Variants in PCIF1 observed in about 807,000 individuals in gnomAD.
PCIF1 encodes phosphorylated CTD interacting factor 1.
Under a neutral mutation model 86.9 loss-of-function variants are expected in PCIF1, and 12 were observed. The observed-to-expected ratio is 0.14, with a 90% CI of 0.09 to 0.22. The LOEUF (loss-of-function observed/expected upper bound fraction) is 0.22. PCIF1 is among the 10% of genes least tolerant of loss of function. PCIF1 has a pLI of 1.00. For missense variants in PCIF1, 701 were observed against 951.1 expected (o/e 0.74, Z 3.46); for synonymous variants, 397 against 372.0 (o/e 1.07, Z -0.77).
rs1474845416 is a variant in PCIF1 at position 45,947,877 on chromosome 20, C to T, written c.*122C>T. 3.9e-5 allele frequency: 60 copies of T among 1,530,498 alleles called. No individual in the cohort carries two copies. The highest frequency in any genetic ancestry group is 5.0e-5 in the Non-Finnish European group (57 of 1,146,186). 94.8% of individuals were successfully genotyped at this position (1,530,498 alleles called of 1,614,324 possible). A position where few individuals can be genotyped will look rare whatever the true frequency, so the allele number is the denominator to read the frequency against. On this transcript the variant is annotated 3_prime_UTR_variant, in exon 17 of 17. Coordinates refer to ENST00000372409, the MANE Select transcript of PCIF1 (RefSeq NM_022104.4). This position sits in a 1 kb window ranked among gnomAD's most constrained non-coding sequence, Gnocchi z 5.4. ...TATGAAGATTATGGTTCTGCCAGGG[C>T]TCCCCTCCCTGCCTGTCCCCAAGTC...
intron 1 of PCIF1, among the ~76,000 whole-genome samples, chr20:45,936,323 C>G (rs1034528442): frequency 6.7e-6 from 1 of 149,950 alleles, no homozygotes; most frequent in Non-Finnish European, 1.5e-5. Flanking sequence ...TACAGGCTCC[C>G]GCCACCACGC....
At chr20:45,939,533 T>C (rs1022037145) in intron 4 of PCIF1, among the ~76,000 whole-genome samples, 194 bp downstream of exon 4, 2 of 152,186 alleles carry the variant, frequency 1.3e-5, no homozygotes, top group Non-Finnish European at 1.5e-5. Flanking sequence ...AGTAAACAGA[T>C]GATTGCATGG....
intron 4 of PCIF1, among the ~76,000 whole-genome samples, chr20:45,939,601 C>G (rs548278820): frequency 6.6e-6 from 1 of 152,252 alleles, no homozygotes; most frequent in Non-Finnish European, 1.5e-5. Flanking sequence ...GACTTGCTCC[C>G]TACGGTCGCA....
chr20:45,940,532 A>C lies in PCIF1; in HGVS notation c.307A>C (p.Thr103Pro), dbSNP rs777519257. 7 of 1,607,970 alleles carry C rather than the reference A, an allele frequency of 4.4e-6. No homozygotes were observed. In the African/African-American group the frequency reaches 9.4e-5, roughly 22 times the overall value. The change falls in exon 5 of 17, where the codon ACT becomes CCT. Residue 103 changes from threonine to proline, a missense_variant. Around this residue, in one of 7 missense-constraint regions of PCIF1, gnomAD observed 125 missense variants for 126.8 expected, o/e 0.99. Coordinates refer to ENST00000372409, the MANE Select transcript of PCIF1 (RefSeq NM_022104.4). ...PLPQDSSLVE[T>P]PPAENKPRKR... The stretch of plus-strand genomic sequence containing the variant: ...GCCCCAAGACTCAAGCTTGGTGGAA[A>C]CTCCCCCGGCTGAGAACAAGCCCAG...
chr20:45,944,856 T>A lies in PCIF1; in HGVS notation c.1006-12T>A, dbSNP rs758584376. On this transcript the variant is annotated splice_polypyrimidine_tract_variant and intron_variant, in intron 10 of 16. Coordinates refer to ENST00000372409, the MANE Select transcript of PCIF1 (RefSeq NM_022104.4). ...CCTCCACTAGCGCCCTGATCCAGAA[T>A]GTGTCCTCTAGGATCGCCTGGAGCA... 6.2e-7 allele frequency: 1 copy of A among 1,608,886 alleles called. No individual in the cohort carries two copies. The highest frequency in any genetic ancestry group is 1.7e-5 in the Admixed American group (1 of 59,882).
rs1336448946 is a variant in PCIF1 at position 45,942,191 on chromosome 20, G to T, written c.674-906G>T. ...GGGTTTCACCATGTTGGCCAGGATGGTCTCGATCTCTTGACCTTGTGATCC... is the reference window on the plus strand; with the variant it reads ...GGGTTTCACCATGTTGGCCAGGATGTTCTCGATCTCTTGACCTTGTGATCC... On this transcript the variant is annotated intron_variant, in intron 7 of 16. Coordinates refer to ENST00000372409, the MANE Select transcript of PCIF1 (RefSeq NM_022104.4). Among the ~76,000 whole-genome samples, 17 of 147,732 alleles carry T rather than the reference G, an allele frequency of 1.2e-4. No individual in the cohort carries two copies. In the East Asian group the frequency reaches 2.5e-3, roughly 21 times the overall value.
intron 1 of PCIF1, among the ~76,000 whole-genome samples, chr20:45,935,909 C>G (rs372604467): frequency 6.6e-6 from 1 of 151,990 alleles, no homozygotes; most frequent in African/African-American, 2.4e-5. Flanking sequence ...TAGCCTCACA[C>G]TAAGCTGTGC....
At chr20:45,944,470 A>G (rs891579109) in intron 10 of PCIF1, among the ~76,000 whole-genome samples, 2 of 152,160 alleles carry the variant, frequency 1.3e-5, no homozygotes, top group African/African-American at 4.8e-5. Flanking sequence ...CTGTTTTGTA[A>G]TTGTGTCTTT....
In PCIF1 at chr20:45,938,986, G is replaced by C; in HGVS notation, c.-14G>C. 1 of 1,613,852 alleles carries C rather than the reference G, an allele frequency of 6.2e-7. No homozygotes were observed. The highest frequency in any genetic ancestry group is 8.5e-7 in the Non-Finnish European group (1 of 1,179,908). ...TTTGGTCCTCTGTGTGGCAGGTCCT[G>C]TGTGGGTGTGGAGATGGCCAATGAG... On this transcript the variant is annotated 5_prime_UTR_variant, in exon 3 of 17. Coordinates refer to ENST00000372409, the MANE Select transcript of PCIF1 (RefSeq NM_022104.4).
At position 45,943,441 on chromosome 20, in the gene PCIF1, C is replaced by G. The variant is rs1329864995; in HGVS notation, c.905+18C>G. 6.2e-7 allele frequency: 1 copy of G among 1,608,368 alleles called. No homozygotes were observed. The highest frequency in any genetic ancestry group is 8.5e-7 in the Non-Finnish European group (1 of 1,176,732). On this transcript the variant is annotated intron_variant, in intron 9 of 16. Transcript: ENST00000372409. This position sits in a 1 kb window ranked among gnomAD's most constrained non-coding sequence, Gnocchi z 5.5. Reference sequence around the variant, plus strand: ...GAGTCCAGGTTTGCCTGTCTTCTGCCCCAGGCGAGATGGGTCTGTGATTAA... The same window carrying G: ...GAGTCCAGGTTTGCCTGTCTTCTGCGCCAGGCGAGATGGGTCTGTGATTAA...
chr20:45,942,682 A>C (rs1259804186), intron 7 of PCIF1, among the ~76,000 whole-genome samples: 1 of 147,934 alleles, frequency 6.8e-6, no homozygotes. Flanking sequence ...TGGCACGACC[A>C]CAGCTCACAG....
At position 45,943,206 on chromosome 20, in the gene PCIF1, T is replaced by A; in HGVS notation, c.783T>A (p.Pro261=). 6.2e-7 allele frequency: 1 copy of A among 1,614,170 alleles called. No homozygotes were observed. Among genetic ancestry groups the A allele is most frequent in the South Asian group, 1.1e-5 (1 of 91,080 alleles). The change falls in exon 8 of 17, where the codon CCT becomes CCA. Residue 261 remains proline (P), a synonymous_variant. Transcript: ENST00000372409. The surrounding 1 kb of genome is among the most constrained non-coding windows in gnomAD (Gnocchi z 5.5). ...GCAACTGTGAACCAGTCGTGTCACC[T>A]TCCATGTTTCGTGAAATCATGAACG... ...LPSNCEPVVS[P]SMFREIMNDI... is the part of the protein sequence containing the mutation.
rs1248157678 is a variant in PCIF1, at chr20:45,941,046, C to G, written c.519-7C>G. The G allele has an allele frequency of 6.2e-7, 1 of 1,614,066 alleles. No individual in the cohort carries two copies. The highest frequency in any genetic ancestry group is 1.3e-5 in the African/African-American group (1 of 74,924). On this transcript the variant is annotated splice_polypyrimidine_tract_variant and splice_region_variant and intron_variant, in intron 6 of 16. Transcript: ENST00000372409. The stretch of plus-strand genomic sequence containing the variant: ...GACATCCTCATCACTCCTCTCTGTG[C>G]CCCAAGGGTCTACTGGGACCTGGAC...
rs2083452139 is a variant in PCIF1 at position 45,939,483 on chromosome 20, T to A, written c.249+144T>A. The stretch of plus-strand genomic sequence containing the variant: ...TGACAAGCAAGACAGACACAGCCCC[T>A]GCCCTCATGGAACCTACACTCAAAT... On this transcript the variant is annotated intron_variant, in intron 4 of 16. Transcript: ENST00000372409. 1.1e-5 allele frequency: 13 copies of A among 1,214,812 alleles called. No individual in the cohort carries two copies. In the South Asian group the frequency reaches 1.8e-4, roughly 17 times the overall value. The allele number at this position is 1,214,812 out of a possible 1,614,324, so 75.3% of individuals were successfully genotyped here.
Position 45,945,787 on chromosome 20 carries a change from C to T in PCIF1, c.1245C>T (p.Pro415=). 6.2e-7 allele frequency: 1 copy of T among 1,613,948 alleles called. No homozygotes were observed. Among genetic ancestry groups the T allele is most frequent in the Non-Finnish European group, 8.5e-7 (1 of 1,180,044 alleles). The change falls in exon 12 of 17, where the codon CCC becomes CCT. Residue 415 remains proline, a synonymous_variant. Transcript: ENST00000372409. ...TCCGGCTGGCTGTGTCTGCACCGCC[C>T]ATGCCCAGCGTGGAGATGCACATGG... is the stretch of plus-strand genomic sequence containing the variant. The part of the protein sequence containing the change: ...YPVRLAVSAP[P]MPSVEMHMEN...
rs1291903333 is a variant in PCIF1 at position 45,940,928 on chromosome 20, A to G, written c.507A>G (p.Leu169=). The G allele has an allele frequency of 6.2e-7, 1 of 1,614,118 alleles. No homozygotes were observed. Among genetic ancestry groups the G allele is most frequent in the Admixed American group, 1.7e-5 (1 of 60,004 alleles). The change falls in exon 6 of 17, where the codon CTA becomes CTG. Residue 169 remains leucine, a synonymous_variant. Coordinates refer to ENST00000372409, the MANE Select transcript of PCIF1 (RefSeq NM_022104.4). ...SPEDKQQAAL[L]RPTEVYWDLD... is the part of the protein sequence containing the mutation. Reference sequence around the variant, plus strand: ...AAGATAAACAGCAGGCAGCTCTCCTACGACCCACTGAGTGAGTCCCTGCTG... The same window carrying G: ...AAGATAAACAGCAGGCAGCTCTCCTGCGACCCACTGAGTGAGTCCCTGCTG...
At chr20:45,934,985 G>A (rs893678103) in intron 1 of PCIF1, among the ~76,000 whole-genome samples, 181 bp downstream of exon 1, 2 of 152,102 alleles carry the variant, frequency 1.3e-5, no homozygotes, top group African/African-American at 2.4e-5. Context: ...AAGTGAGGGA[G>A]GTGGGCCCGG....
At position 45,943,673 on chromosome 20, in the gene PCIF1, T is replaced by C; in HGVS notation, c.913T>C (p.Ser305Pro). ...CCTCCCCTTGACTGGCAGGAGTGCA[T>C]CCCCTGACAGTAGGAAGGTGGTCAA... ...ARRLIESRSA[S>P]PDSRKVVKWN... Residue 305 changes from serine (S) to proline (P), a missense_variant, in exon 10 of 17, where the codon TCC (serine) becomes CCC (proline). Transcript: ENST00000372409. This position sits in a 1 kb window ranked among gnomAD's most constrained non-coding sequence, Gnocchi z 5.5. 1.3e-6 allele frequency: 2 copies of C among 1,559,180 alleles called. No individual in the cohort carries two copies. The highest frequency in any genetic ancestry group is 1.7e-6 in the Non-Finnish European group (2 of 1,150,986).
chr20:45,947,949 C>T lies in PCIF1; in HGVS notation c.*194C>T. The T allele has an allele frequency of 3.3e-6, 5 of 1,532,744 alleles. No individual in the cohort carries two copies. The highest frequency in any genetic ancestry group is 2.4e-5 in the East Asian group (1 of 40,820). The allele number at this position is 1,532,744 out of a possible 1,614,324, so 94.9% of individuals were successfully genotyped here. A position where few individuals can be genotyped will look rare whatever the true frequency, so the allele number is the denominator to read the frequency against. ...GTCCCATGTATATAGGTCCTGATGCCTTCCCAACCCCGCCCCTCACCCTGT... is the reference window on the plus strand; with the variant it reads ...GTCCCATGTATATAGGTCCTGATGCTTTCCCAACCCCGCCCCTCACCCTGT... On this transcript the variant is annotated 3_prime_UTR_variant, in exon 17 of 17. Coordinates refer to ENST00000372409, the MANE Select transcript of PCIF1 (RefSeq NM_022104.4). The surrounding 1 kb of genome is among the most constrained non-coding windows in gnomAD (Gnocchi z 5.4).
Sources: allele counts gnomAD v4.1 joint callset (sites outside exome capture counted in the v4.1 genomes callset), GRCh38; gene constraint gnomAD v4.1.1; regional missense constraint gnomAD v4.1.1; non-coding constraint Gnocchi (gnomAD v3.1); transcripts MANE v1.5; gene names NCBI Gene and HGNC (gene_info 2026-07-23, HGNC 2026-07-21).